The following FBXO4 variants were observed in gnomAD, a reference collection of about 807,000 sequenced individuals.
The protein encoded by FBXO4 is F-box only protein 4.
Under a neutral mutation model 43.7 loss-of-function variants are expected in FBXO4, and 36 were observed. That is an observed-to-expected ratio of 0.82 (90% confidence interval 0.63 to 1.09). The LOEUF is 1.09. Ranked by LOEUF, FBXO4 falls within the 50% of genes least tolerant of loss-of-function variation. The probability of loss-of-function intolerance (pLI) is 0.00; values close to 1 mark genes in which losing one functional copy is unlikely to be tolerated. For missense variants in FBXO4, 435 were observed against 474.1 expected, an observed-to-expected ratio of 0.92 and a Z score of 0.77; for synonymous variants, 180 against 165.6, an observed-to-expected ratio of 1.09 and a Z score of -0.67.
the FBXO4 span, among the ~76,000 whole-genome samples, chr5:42,006,080 A>G: frequency 6.6e-6 from 1 of 152,072 alleles, no homozygotes; most frequent in Non-Finnish European, 1.5e-5. Context: ...ATATGTTGAC[A>G]TATTTTTGAG....
chr5:42,024,777 A>G, the FBXO4 span, among the ~76,000 whole-genome samples: 5 of 151,892 alleles, frequency 3.3e-5, no homozygotes, highest in African/African-American at 1.2e-4. Flanking sequence ...TGATTTTTAG[A>G]TCCCACAAAT....
intron 1 of FBXO4, 62 bp downstream of exon 1, chr5:41,925,560 C>G (rs1391126135): frequency 1.6e-6 from 2 of 1,230,102 alleles, no homozygotes; most frequent in East Asian, 3.2e-5. Flanking sequence ...GGGACCTCCC[C>G]TGGAGCCCCC....
chr5:42,010,430 C>G, the FBXO4 span, among the ~76,000 whole-genome samples: 2 of 151,826 alleles, frequency 1.3e-5, no homozygotes, highest in Non-Finnish European at 2.9e-5. Context: ...ATAACTTGAA[C>G]CTGGGCAGCA....
At chr5:42,035,966 G>T in the FBXO4 span, among the ~76,000 whole-genome samples, 2,428 of 152,168 alleles carry the variant, frequency 0.016, 120 homozygotes, top group East Asian at 0.1. Context: ...GGTGACAGCA[G>T]TTCTACCCAC....
chr5:41,941,677 A>C lies in FBXO4; in HGVS notation c.*396A>C, dbSNP rs999353754. On this transcript the variant is annotated 3_prime_UTR_variant, in exon 7 of 7. Coordinates refer to ENST00000281623, the MANE Select transcript of FBXO4 (RefSeq NM_012176.3). Reference sequence around the variant, plus strand: ...TTCTATTCAGTCTTTTCAAGGGTTCATAAGTGGTTATCAGAAAAGAAATTT... The same window carrying C: ...TTCTATTCAGTCTTTTCAAGGGTTCCTAAGTGGTTATCAGAAAAGAAATTT... The C allele has an allele frequency of 1.3e-5, 2 of 159,302 alleles. No homozygotes were observed. The highest frequency in any genetic ancestry group is 4.8e-5 in the African/African-American group (2 of 41,528). The allele number at this position is 159,302 out of a possible 1,614,324, so 9.9% of individuals were successfully genotyped here.
the FBXO4 span, among the ~76,000 whole-genome samples, chr5:42,036,786 C>T: frequency 7.6e-4 from 116 of 152,162 alleles, no homozygotes; most frequent in African/African-American, 2.7e-3. Context: ...AAATGACTTC[C>T]TTTCAACCAC....
chr5:41,996,805 G>A, the FBXO4 span, among the ~76,000 whole-genome samples: 5 of 152,234 alleles, frequency 3.3e-5, no homozygotes, highest in East Asian at 9.7e-4. Flanking sequence ...CCACACCACT[G>A]GACCCCTAGA....
At chr5:41,953,338 A>G in the FBXO4 span, among the ~76,000 whole-genome samples, 1 of 151,492 alleles carries the variant, frequency 6.6e-6, no homozygotes. Context: ...ATCATTTTTT[A>G]TGGCTGCATA....
the FBXO4 span, among the ~76,000 whole-genome samples, chr5:41,996,984 G>A: frequency 6.6e-5 from 10 of 152,332 alleles, no homozygotes; most frequent in African/African-American, 1.7e-4. Context: ...TTATGGAAAC[G>A]AAAAGTGATC....
At chr5:41,986,835 A>G in the FBXO4 span, among the ~76,000 whole-genome samples, 4 of 152,178 alleles carry the variant, frequency 2.6e-5, no homozygotes, top group Non-Finnish European at 5.9e-5. Flanking sequence ...ATGCAAAAAA[A>G]TAAGATAGGT....
intron 3 of FBXO4, 73 bp from the exon 4 acceptor site, chr5:41,933,873 G>T: frequency 8.0e-7 from 1 of 1,249,486 alleles, no homozygotes; most frequent in South Asian, 1.4e-5. Context: ...TGCTTTCACC[G>T]GGTAATTTTC....
chr5:42,016,207 A>G, the FBXO4 span, among the ~76,000 whole-genome samples: 2 of 152,106 alleles, frequency 1.3e-5, no homozygotes, highest in Admixed American at 6.6e-5. Context: ...AGGCTGAAAA[A>G]GTTACTTTCT....
the FBXO4 span, among the ~76,000 whole-genome samples, chr5:42,011,333 A>G: frequency 1.3e-5 from 2 of 152,134 alleles, no homozygotes; most frequent in African/African-American, 2.4e-5. Context: ...TGCATTGGTT[A>G]TTGTGAGAGT....
chr5:41,951,073 G>A, the FBXO4 span, among the ~76,000 whole-genome samples: 9 of 152,166 alleles, frequency 5.9e-5, no homozygotes, highest in Non-Finnish European at 1.0e-4. Flanking sequence ...GGGGTAGGGG[G>A]CTAAGGGAGG....
chr5:41,955,235 C>G, the FBXO4 span, among the ~76,000 whole-genome samples: 12,093 of 151,976 alleles, frequency 0.08, 692 homozygotes, highest in African/African-American at 0.16. Flanking sequence ...TTCAATATAT[C>G]ATATAGAATC....
the FBXO4 span, among the ~76,000 whole-genome samples, chr5:41,999,478 C>CATGTATATAT: frequency 7.2e-5 from 2 of 27,884 alleles, no homozygotes; most frequent in Non-Finnish European, 2.2e-4. Flanking sequence ...TATATATATA[C>CATGTATATAT]ACATATATAT....
At chr5:42,019,727 G>T in the FBXO4 span, among the ~76,000 whole-genome samples, 1 of 150,346 alleles carries the variant, frequency 6.7e-6, no homozygotes, top group Non-Finnish European at 1.5e-5. Flanking sequence ...AAAGAAAAAA[G>T]AAAATGTAAA....
At chr5:41,981,357 G>A in the FBXO4 span, among the ~76,000 whole-genome samples, 1 of 151,402 alleles carries the variant, frequency 6.6e-6, no homozygotes, top group Admixed American at 6.6e-5. Flanking sequence ...GAAAACTTCA[G>A]GGGTTCAGTA....
At chr5:41,952,962 GTCATTTTT>G in the FBXO4 span, among the ~76,000 whole-genome samples, 1 of 149,610 alleles carries the variant, frequency 6.7e-6, no homozygotes, top group South Asian at 2.1e-4. Flanking sequence ...CTTTTTTTAT[GTCATTTTT>G]GTGAATGCTT....
Sources: gnomAD v4.1 joint callset for allele counts (sites outside exome capture counted in the v4.1 genomes callset) on GRCh38, gnomAD v4.1.1 for gene constraint, MANE v1.5 for transcripts, NCBI Gene and HGNC (gene_info 2026-07-23, HGNC 2026-07-21) for gene names.